The following ZNF736 variants were observed in gnomAD, a reference collection of about 807,000 sequenced individuals.
The protein encoded by ZNF736 is zinc finger protein 736.
Under a neutral mutation model 11.7 loss-of-function variants are expected in ZNF736, and 6 were observed. The observed-to-expected ratio is 0.51, with a 90% CI of 0.28 to 1.01. The LOEUF (loss-of-function observed/expected upper bound fraction) is 1.01, where lower values mean the gene tolerates loss of function less well. ZNF736 is among the 50% of genes least tolerant of loss of function. The probability of loss-of-function intolerance (pLI) is 0.09; values close to 1 mark genes in which losing one functional copy is unlikely to be tolerated. For synonymous variants in ZNF736, 139 were observed against 164.7 expected, an observed-to-expected ratio of 0.84 and a Z score of 1.19; for missense variants, 444 against 496.0, an observed-to-expected ratio of 0.90 and a Z score of 1.00.
intron 1 of ZNF736, among the ~76,000 whole-genome samples, chr7:64,315,188 A>G (rs1205985514): frequency 1.3e-5 from 2 of 152,006 alleles, no homozygotes; most frequent in Non-Finnish European, 2.9e-5. Context: ...CTTTCTATGC[A>G]GCCTGTGGAA....
intron 1 of ZNF736, among the ~76,000 whole-genome samples, chr7:64,316,733 T>G (rs1477985893): frequency 6.8e-6 from 1 of 147,640 alleles, no homozygotes; most frequent in Admixed American, 6.8e-5. Flanking sequence ...TCATTAGAGC[T>G]TGAAAGATTA....
rs1428255379 is a variant in ZNF736 at position 64,313,991 on chromosome 7, C to T, written c.-160C>T. 6.2e-6 allele frequency: 6 copies of T among 968,294 alleles called. No individual in the cohort carries two copies. In the African/African-American group the frequency reaches 6.5e-5, roughly 10 times the overall value. 60.0% of individuals were successfully genotyped at this position (968,294 alleles called of 1,614,324 possible). On this transcript the variant is annotated 5_prime_UTR_variant, in exon 1 of 4. Coordinates refer to ENST00000423484, the MANE Select transcript of ZNF736 (RefSeq NM_001170905.3). ...CTCTTCAATATGGCGGGGCCTTTGT[C>T]TCCTAGCTTCCGGGCTCTGATCCTA...
In ZNF736 at chr7:64,349,472, T is replaced by C. The variant is rs1789457433; in HGVS notation, c.*325T>C. 4 of 205,642 alleles carry C rather than the reference T, an allele frequency of 1.9e-5. No individual in the cohort carries two copies. Among genetic ancestry groups the C allele is most frequent in the Admixed American group, 5.2e-5 (1 of 19,202 alleles). 12.7% of individuals were successfully genotyped at this position (205,642 alleles called of 1,614,324 possible). A position where few individuals can be genotyped will look rare whatever the true frequency, so the allele number is the denominator to read the frequency against. On this transcript the variant is annotated 3_prime_UTR_variant, in exon 4 of 4. Transcript: ENST00000423484. ...CCCTTTATTTTGAGCTTATTTGAGA[T>C]GGGTGTCTTGATTAAAGCATACCAT...
At position 64,314,038 on chromosome 7, in the gene ZNF736, T is replaced by A. The variant is rs1415341818; in HGVS notation, c.-113T>A. ...CCTAGTTCGCGTCTCCACTGTTCCA[T>A]CTCCTCCGTTCCTGGAGTTCCTCGG... is the stretch of plus-strand genomic sequence containing the variant. On this transcript the variant is annotated 5_prime_UTR_variant, in exon 1 of 4. Coordinates refer to ENST00000423484, the MANE Select transcript of ZNF736 (RefSeq NM_001170905.3). 1.4e-6 allele frequency: 2 copies of A among 1,446,660 alleles called. No individual in the cohort carries two copies. Among genetic ancestry groups the A allele is most frequent in the South Asian group, 1.2e-5 (1 of 81,978 alleles). 89.6% of individuals were successfully genotyped at this position (1,446,660 alleles called of 1,614,324 possible). A position where few individuals can be genotyped will look rare whatever the true frequency, so the allele number is the denominator to read the frequency against.
At chr7:64,319,560 G>T (rs1310171067) in intron 1 of ZNF736, among the ~76,000 whole-genome samples, 1 of 133,616 alleles carries the variant, frequency 7.5e-6, no homozygotes, top group African/African-American at 2.9e-5. Flanking sequence ...CAGTCGAGCG[G>T]TCTTGGCTCA....
rs189414388 is a variant in ZNF736, at chr7:64,350,227, A to C, written c.*1080A>C. The C allele has an allele frequency of 2.0e-4, 31 of 152,272 alleles. No individual in the cohort carries two copies. In the East Asian group the frequency reaches 6.0e-3, roughly 29 times the overall value. 9.4% of individuals were successfully genotyped at this position (152,272 alleles called of 1,614,324 possible). The stretch of plus-strand genomic sequence containing the variant: ...AGATTTGGTTTCTTTACATAATCCC[A>C]TATTTCTTAGAGGTTTTGTTCATTC... On this transcript the variant is annotated 3_prime_UTR_variant, in exon 4 of 4. Transcript: ENST00000423484.
At chr7:64,336,486 C>T in intron 2 of ZNF736, 101 bp downstream of exon 2, 1 of 1,305,824 alleles carries the variant, frequency 7.7e-7, no homozygotes, top group Non-Finnish European at 1.0e-6. Flanking sequence ...GTTTCAGAAT[C>T]CTGCTTCAAA....
chr7:64,319,309 ATATG>A (rs1244512320), intron 1 of ZNF736, among the ~76,000 whole-genome samples: 4 of 124,390 alleles, frequency 3.2e-5, no homozygotes, highest in Admixed American at 8.6e-5. Context: ...GTGTGTGTGT[ATATG>A]TATGTGTGTG....
Position 64,349,221 on chromosome 7 carries a change from A to G in ZNF736, c.*74A>G. On this transcript the variant is annotated 3_prime_UTR_variant, in exon 4 of 4. Transcript: ENST00000423484. ...AAATTTAATACTGAACAAATGCAGT[A>G]TAAATGTAATGACAGTGGAAGAACA... The G allele has an allele frequency of 4.1e-6, 5 of 1,225,466 alleles. No individual in the cohort carries two copies. The highest frequency in any genetic ancestry group is 5.5e-6 in the Non-Finnish European group (5 of 904,746). 75.9% of individuals were successfully genotyped at this position (1,225,466 alleles called of 1,614,324 possible). A position where few individuals can be genotyped will look rare whatever the true frequency, so the allele number is the denominator to read the frequency against.
rs1789508864 is a variant in ZNF736 at position 64,352,885 on chromosome 7, T to A, written c.*3738T>A. 1 of 152,308 alleles carries A rather than the reference T, an allele frequency of 6.6e-6. No individual in the cohort carries two copies. Among genetic ancestry groups the A allele is most frequent in the South Asian group, 2.1e-4 (1 of 4,840 alleles). 9.4% of individuals were successfully genotyped at this position (152,308 alleles called of 1,614,324 possible). A position where few individuals can be genotyped will look rare whatever the true frequency, so the allele number is the denominator to read the frequency against. On this transcript the variant is annotated 3_prime_UTR_variant, in exon 4 of 4. Transcript: ENST00000423484. ...CTGCTACCAATGGTTGGCTGGAATC[T>A]AAGCCAGTAGGTCTTACCACGTGAG...
intron 3 of ZNF736, among the ~76,000 whole-genome samples, chr7:64,342,402 G>A (rs1789352130): frequency 6.6e-6 from 1 of 152,066 alleles, no homozygotes; most frequent in South Asian, 2.1e-4. Flanking sequence ...ATTTTTCTTA[G>A]TAGGAACTAA....
At chr7:64,337,412 G>A in intron 3 of ZNF736, 1 of 166,154 alleles carries the variant, frequency 6.0e-6, no homozygotes, top group Admixed American at 6.0e-5. Context: ...TGATATTACA[G>A]TTTGGATCAG....
chr7:64,334,755 A>G (rs576962098), intron 1 of ZNF736, among the ~76,000 whole-genome samples: 1 of 152,206 alleles, frequency 6.6e-6, no homozygotes, highest in Non-Finnish European at 1.5e-5. Flanking sequence ...AGAACCAGAA[A>G]TACCATTTGA....
At chr7:64,339,275 A>G (rs1286871910) in intron 3 of ZNF736, among the ~76,000 whole-genome samples, 1 of 152,100 alleles carries the variant, frequency 6.6e-6, no homozygotes, top group Non-Finnish European at 1.5e-5. Flanking sequence ...TTGGTTCTAC[A>G]GAAGTGTTTT....
intron 3 of ZNF736, among the ~76,000 whole-genome samples, chr7:64,345,473 G>C (rs1297634166): frequency 6.6e-6 from 1 of 151,428 alleles, no homozygotes; most frequent in Non-Finnish European, 1.5e-5. Flanking sequence ...GCTCATGCCT[G>C]TCATCCCAGC....
intron 1 of ZNF736, among the ~76,000 whole-genome samples, chr7:64,323,453 T>G (rs1789029731): frequency 6.7e-6 from 1 of 149,314 alleles, no homozygotes; most frequent in Admixed American, 6.7e-5. Context: ...CAAAAAAAAA[T>G]ACTATTCACA....
chr7:64,323,575 A>G (rs1200787232), intron 1 of ZNF736, among the ~76,000 whole-genome samples: 1 of 152,210 alleles, frequency 6.6e-6, no homozygotes, highest in Middle Eastern at 3.2e-3. Context: ...GAAAAAGATC[A>G]TGTCCTTGAC....
intron 1 of ZNF736, among the ~76,000 whole-genome samples, chr7:64,335,765 C>A (rs544647685): frequency 6.6e-6 from 1 of 152,266 alleles, no homozygotes; most frequent in South Asian, 2.1e-4. Flanking sequence ...GAATTTTTGA[C>A]AAAATATTCT....
intron 2 of ZNF736, among the ~76,000 whole-genome samples, 173 bp downstream of exon 2, chr7:64,336,558 A>G (rs1789254488): frequency 6.6e-6 from 1 of 152,214 alleles, no homozygotes; most frequent in Non-Finnish European, 1.5e-5. Flanking sequence ...TCATCTTAAC[A>G]TTAATCTTTC....
Sources: gnomAD v4.1 joint callset for allele counts (sites outside exome capture counted in the v4.1 genomes callset) on GRCh38, gnomAD v4.1.1 for gene constraint, MANE v1.5 for transcripts, NCBI Gene and HGNC (gene_info 2026-07-23, HGNC 2026-07-21) for gene names.